Variants in FKBP3 observed in about 807,000 individuals in gnomAD.
FKBP3 encodes the protein FKBP prolyl isomerase 3.
In FKBP3, 21 loss-of-function variants were observed where a neutral mutation model predicts 30.6. The ratio of observed to expected loss-of-function variants is 0.69; its 90% CI spans 0.49 to 0.99. The LOEUF (loss-of-function observed/expected upper bound fraction) is 0.99. Ranked by LOEUF, FKBP3 falls within the 50% of genes least tolerant of loss-of-function variation. FKBP3 has a pLI of 0.00. For synonymous variants in FKBP3, 82 were observed against 91.3 expected, an observed-to-expected ratio of 0.90 and a Z score of 0.58; for missense variants, 283 against 261.6, an observed-to-expected ratio of 1.08 and a Z score of -0.56.
chr14:45,134,320 C>A (rs374796242), intron 1 of FKBP3, 29 bp downstream of exon 1: 44 of 1,561,730 alleles, frequency 2.8e-5, no homozygotes, highest in Non-Finnish European at 3.7e-5. Context: ...TCAGCCGCAC[C>A]AGCCCGGCCG....
Position 45,115,882 on chromosome 14 carries a change from C to CAATTAACA in FKBP3, c.*315_*316insTGTTAATT, listed in dbSNP as rs1408007174. On this transcript the variant is annotated 3_prime_UTR_variant, in exon 7 of 7. Coordinates refer to ENST00000396062, the MANE Select transcript of FKBP3 (RefSeq NM_002013.4). ...TAATCAGAACAATAATATATTAACA[C>CAATTAACA]CAAACAAATCACAGTCAGATCAAGA... The CAATTAACA allele has an allele frequency of 8.1e-6, 2 of 245,908 alleles. No homozygotes were observed. Among genetic ancestry groups the CAATTAACA allele is most frequent in the Admixed American group, 9.2e-5 (2 of 21,660 alleles). The allele number at this position is 245,908 out of a possible 1,614,324, so 15.2% of individuals were successfully genotyped here. A position where few individuals can be genotyped will look rare whatever the true frequency, so the allele number is the denominator to read the frequency against.
chr14:45,120,717 T>G (rs1233811887), intron 5 of FKBP3, among the ~76,000 whole-genome samples, 170 bp downstream of exon 5: 1 of 152,204 alleles, frequency 6.6e-6, no homozygotes, highest in African/African-American at 2.4e-5. Flanking sequence ...GTAGCGAAAC[T>G]GAGACCGAGA....
At chr14:45,125,366 A>C (rs116637640) in intron 3 of FKBP3, among the ~76,000 whole-genome samples, 3 of 152,368 alleles carry the variant, frequency 2.0e-5, no homozygotes, top group African/African-American at 7.2e-5. Context: ...CAAAACATGA[A>C]TGGCTTTGGG....
chr14:45,116,335 T>C lies in FKBP3; in HGVS notation c.621-83A>G, dbSNP rs1252854804. 4 of 900,450 alleles carry C rather than the reference T, an allele frequency of 4.4e-6. No individual in the cohort carries two copies. The East Asian group carries it at 7.3e-5, about 16-fold the overall frequency. The allele number at this position is 900,450 out of a possible 1,614,324, so 55.8% of individuals were successfully genotyped here. A position where few individuals can be genotyped will look rare whatever the true frequency, so the allele number is the denominator to read the frequency against. Reference sequence around the variant, plus strand: ...CTTAGTGTAGGATAGGCTGACTAGATAGGCTCACTAGATAAATTGAGCTTG... The same window carrying C: ...CTTAGTGTAGGATAGGCTGACTAGACAGGCTCACTAGATAAATTGAGCTTG... On this transcript the variant is annotated intron_variant, in intron 6 of 6. Transcript: ENST00000396062.
At chr14:45,121,006 A>G in intron 4 of FKBP3, 52 bp from the exon 5 acceptor site, 3 of 1,349,154 alleles carry the variant, frequency 2.2e-6, no homozygotes, top group Non-Finnish European at 3.1e-6. Context: ...TTTATTATTA[A>G]GAAATTTCCA....
At chr14:45,122,932 C>T (rs113396054) in intron 3 of FKBP3, among the ~76,000 whole-genome samples, 60 of 151,976 alleles carry the variant, frequency 3.9e-4, no homozygotes, top group African/African-American at 1.4e-3. Context: ...GTGGCTCACA[C>T]CTGTAATCTC....
Position 45,134,360 on chromosome 14 carries a change from C to G in FKBP3, c.97G>C (p.Gly33Arg), listed in dbSNP as rs1465686819. Residue 33 changes from glycine to arginine, a missense_variant, in exon 1 of 7, where the codon GGT becomes CGT. Transcript: ENST00000396062. Reference protein sequence around the residue: ...KDIIKFLQEHGSDSFLAEHKL... With the variant: ...KDIIKFLQEHRSDSFLAEHKL... ...TACGCCTCTGGTACCGAATCTGAACCGTGTTCCTGCAGAAACTTGATAATG... is the reference window on the plus strand; with the variant it reads ...TACGCCTCTGGTACCGAATCTGAACGGTGTTCCTGCAGAAACTTGATAATG... The G allele has an allele frequency of 2.5e-6, 4 of 1,613,566 alleles. No individual in the cohort carries two copies. The highest frequency in any genetic ancestry group is 1.3e-5 in the African/African-American group (1 of 75,050).
intron 5 of FKBP3, 131 bp downstream of exon 5, chr14:45,120,756 T>G (rs930671212): frequency 5.6e-6 from 4 of 709,380 alleles, no homozygotes; most frequent in African/African-American, 5.3e-5. Flanking sequence ...CTAACAATGA[T>G]TATACCCAAT....
chr14:45,118,203 T>A (rs1366318177), intron 5 of FKBP3, 78 bp from the exon 6 acceptor site: 1 of 800,794 alleles, frequency 1.2e-6, no homozygotes, highest in Non-Finnish European at 2.1e-6. Context: ...AAGACAAGAT[T>A]GTATGTTAAA....
intron 2 of FKBP3, 30 bp from the exon 3 acceptor site, chr14:45,129,931 C>G (rs752941360): frequency 6.9e-7 from 1 of 1,454,234 alleles, no homozygotes; most frequent in Non-Finnish European, 9.5e-7. Flanking sequence ...ACATCATACC[C>G]AGGACAGGCT....
At chr14:45,116,391 C>A (rs1884835660) in intron 6 of FKBP3, 139 bp from the exon 7 acceptor site, 2 of 575,980 alleles carry the variant, frequency 3.5e-6, no homozygotes, top group South Asian at 2.3e-5. Flanking sequence ...GGATGCTTTA[C>A]AAGTACTCCT....
intron 3 of FKBP3, among the ~76,000 whole-genome samples, chr14:45,128,695 C>A (rs1042029940): frequency 6.6e-6 from 1 of 152,170 alleles, no homozygotes; most frequent in Non-Finnish European, 1.5e-5. Context: ...GCCAGTTAAA[C>A]GAAGAGGTTT....
intron 5 of FKBP3, 105 bp downstream of exon 5, chr14:45,120,782 G>T: frequency 1.1e-6 from 1 of 897,486 alleles, no homozygotes; most frequent in Non-Finnish European, 1.8e-6. Context: ...AGACTCCAAA[G>T]TCTGTTTCCT....
chr14:45,118,299 C>T (rs948777904), intron 5 of FKBP3, among the ~76,000 whole-genome samples, 174 bp from the exon 6 acceptor site: 1 of 151,978 alleles, frequency 6.6e-6, no homozygotes, highest in Non-Finnish European at 1.5e-5. Flanking sequence ...TCTTCCATTT[C>T]TTCAATAGAA....
At position 45,128,126 on chromosome 14, in the gene FKBP3, CAG is replaced by C. The variant is rs200715411; in HGVS notation, c.318+1666_318+1667del. ...CCTAGGTGGGCGGATAACTTGAGGT[CAG>C]GAGTTCAAGACCAGCCCAGCCAACA... On this transcript the variant is annotated intron_variant, in intron 3 of 6. Coordinates refer to ENST00000396062, the MANE Select transcript of FKBP3 (RefSeq NM_002013.4). 3.3e-3 allele frequency among the ~76,000 whole-genome samples: 495 copies of C among 152,296 alleles called. 4 individuals carry two copies. Among genetic ancestry groups the C allele is most frequent in the African/African-American group, 0.011 (473 of 41,558 alleles).
At position 45,134,449 on chromosome 14, in the gene FKBP3, G is replaced by GCCGCCATCTTCCCCCGCTGCCT; in HGVS notation, c.-15_7dup (p.Ala3GlufsTer23). On this transcript the variant is annotated frameshift_variant, in exon 1 of 7. Coordinates refer to ENST00000396062, the MANE Select transcript of FKBP3 (RefSeq NM_002013.4). LOFTEE classifies it high-confidence loss of function. Reference sequence around the variant, plus strand: ...GGTCCACGCCCGCTGTGGAACGGCCGCCGCCATCTTCCCCCGCTGCCTCCG... The same window carrying GCCGCCATCTTCCCCCGCTGCCT: ...GGTCCACGCCCGCTGTGGAACGGCCGCCGCCATCTTCCCCCGCTGCCTCCGCCATCTTCCCCCGCTGCCTCCG... The GCCGCCATCTTCCCCCGCTGCCT allele has an allele frequency of 6.2e-7, 1 of 1,609,196 alleles. No individual in the cohort carries two copies. Among genetic ancestry groups the GCCGCCATCTTCCCCCGCTGCCT allele is most frequent in the Non-Finnish European group, 8.5e-7 (1 of 1,177,590 alleles).
At chr14:45,119,890 G>C (rs995290490) in intron 5 of FKBP3, among the ~76,000 whole-genome samples, 2 of 151,886 alleles carry the variant, frequency 1.3e-5, no homozygotes, top group Non-Finnish European at 2.9e-5. Context: ...GTTTCACAGT[G>C]TTAGCCAGTA....
intron 3 of FKBP3, among the ~76,000 whole-genome samples, chr14:45,123,705 C>T (rs1885036878): frequency 6.8e-6 from 1 of 147,272 alleles, no homozygotes; most frequent in Admixed American, 6.9e-5. Context: ...AGCTCTGCCT[C>T]CCGGGTTCAC....
intron 3 of FKBP3, among the ~76,000 whole-genome samples, chr14:45,123,629 T>G (rs1885034807): frequency 7.1e-6 from 1 of 141,506 alleles, no homozygotes; most frequent in South Asian, 2.4e-4. Flanking sequence ...TTTTTTTTTT[T>G]TTTCAGATGG....
Sources: gnomAD v4.1 joint callset for allele counts (sites outside exome capture counted in the v4.1 genomes callset) on GRCh38, gnomAD v4.1.1 for gene constraint, MANE v1.5 for transcripts, NCBI Gene and HGNC (gene_info 2026-07-23, HGNC 2026-07-21) for gene names.